Variants in KCNK13 observed in about 807,000 individuals in gnomAD.
KCNK13 encodes potassium two pore domain channel subfamily K member 13, also known as potassium channel subfamily K member 13.
KCNK13 carries 12 observed loss-of-function variants against 23.4 expected under a neutral mutation model. That is an observed-to-expected ratio of 0.51 (90% CI 0.33 to 0.83). The LOEUF (loss-of-function observed/expected upper bound fraction) is 0.83, where lower values mean the gene tolerates loss of function less well. KCNK13 is among the 40% of genes least tolerant of loss of function. KCNK13 has a pLI of 0.02. For synonymous variants in KCNK13, 231 were observed against 229.5 expected (o/e 1.01, Z -0.06); for missense variants, 463 against 556.3 (o/e 0.83, Z 1.69).
intron 1 of KCNK13, among the ~76,000 whole-genome samples, chr14:90,063,512 G>A (rs2140384521): frequency 6.6e-6 from 1 of 152,150 alleles, no homozygotes; most frequent in Middle Eastern, 3.4e-3. Flanking sequence ...ATTCTGAGGG[G>A]GGCAAAAAGA....
chr14:90,062,497 A>T lies in KCNK13; in HGVS notation c.292A>T (p.Thr98Ser). 6.5e-7 allele frequency: 1 copy of T among 1,536,918 alleles called. No homozygotes were observed. The highest frequency in any genetic ancestry group is 2.4e-5 in the East Asian group (1 of 40,932). The change falls in exon 1 of 2, where the codon ACC (threonine) becomes TCC (serine). Residue 98 changes from threonine to serine, a missense_variant. Transcript: ENST00000282146. This position sits in a 1 kb window ranked among gnomAD's most constrained non-coding sequence, Gnocchi z 4.5. ...VDNVRPRWDF[T>S]GAFYFVGTVV... Reference sequence around the variant, plus strand: ...CAACGTCCGCCCGCGCTGGGACTTCACCGGCGCCTTCTACTTCGTGGGCAC... The same window carrying T: ...CAACGTCCGCCCGCGCTGGGACTTCTCCGGCGCCTTCTACTTCGTGGGCAC...
At chr14:90,142,411 C>A (rs1329721297) in intron 1 of KCNK13, among the ~76,000 whole-genome samples, 1 of 146,990 alleles carries the variant, frequency 6.8e-6, no homozygotes, top group Non-Finnish European at 1.5e-5. Context: ...CTCCGCCTCC[C>A]AGGTTCATGC....
chr14:90,166,443 C>T (rs1013858548), intron 1 of KCNK13, among the ~76,000 whole-genome samples: 6 of 152,182 alleles, frequency 3.9e-5, no homozygotes, highest in African/African-American at 1.2e-4. Flanking sequence ...CAGTGGCTCA[C>T]GCCTATAATC....
At chr14:90,163,368 C>G (rs1890270760) in intron 1 of KCNK13, among the ~76,000 whole-genome samples, 1 of 152,142 alleles carries the variant, frequency 6.6e-6, no homozygotes, top group Non-Finnish European at 1.5e-5. Context: ...CCCTTTGTCT[C>G]AACTCCCAGA....
intron 1 of KCNK13, among the ~76,000 whole-genome samples, chr14:90,181,980 T>C (rs959444389): frequency 6.6e-6 from 1 of 152,204 alleles, no homozygotes; most frequent in South Asian, 2.1e-4. Context: ...CTGCCAAGAA[T>C]TGCTGAGGGA....
chr14:90,122,962 A>T (rs1164378779), intron 1 of KCNK13, among the ~76,000 whole-genome samples: 6 of 152,150 alleles, frequency 3.9e-5, no homozygotes, highest in Non-Finnish European at 5.9e-5. Context: ...CATTTTTCAG[A>T]TGAAGACTCC....
At position 90,184,033 on chromosome 14, in the gene KCNK13, C is replaced by T. The variant is rs755788122; in HGVS notation, c.335-78C>T. 72 of 1,303,240 alleles carry T rather than the reference C, an allele frequency of 5.5e-5. 1 individual carries two copies. Among genetic ancestry groups the T allele is most frequent in the Admixed American group, 3.9e-4 (18 of 46,122 alleles). 80.7% of individuals were successfully genotyped at this position (1,303,240 alleles called of 1,614,324 possible). The stretch of plus-strand genomic sequence containing the variant: ...ATGAAACTCTCTTTAGGTCCTTTGC[C>T]AGCCATCAAAGCCAAGACCTAGACC... On this transcript the variant is annotated intron_variant, in intron 1 of 1. Transcript: ENST00000282146. This position sits in a 1 kb window ranked among gnomAD's most constrained non-coding sequence, Gnocchi z 5.6.
intron 1 of KCNK13, chr14:90,107,632 C>G: frequency 1.6e-6 from 1 of 615,874 alleles, no homozygotes; most frequent in Non-Finnish European, 3.0e-6. Context: ...CATGCAATAC[C>G]TACAACTGAG....
chr14:90,094,801 C>A (rs1383754233), intron 1 of KCNK13, among the ~76,000 whole-genome samples: 1 of 152,008 alleles, frequency 6.6e-6, no homozygotes, highest in African/African-American at 2.4e-5. Context: ...GCGCCCACCA[C>A]CACGCCTGGC....
chr14:90,070,637 C>T (rs1332896373), intron 1 of KCNK13, among the ~76,000 whole-genome samples: 1 of 152,210 alleles, frequency 6.6e-6, no homozygotes, highest in Non-Finnish European at 1.5e-5. Context: ...CTTCCATTGT[C>T]TTCGTGCTTA....
chr14:90,181,043 G>A (rs777357773), intron 1 of KCNK13, among the ~76,000 whole-genome samples: 15 of 152,160 alleles, frequency 9.9e-5, no homozygotes, highest in Non-Finnish European at 1.9e-4. Flanking sequence ...TTTTAGTGGA[G>A]ACAGGGTTTC....
At chr14:90,073,641 G>C (rs1409404076) in intron 1 of KCNK13, among the ~76,000 whole-genome samples, 1 of 152,080 alleles carries the variant, frequency 6.6e-6, no homozygotes, top group Non-Finnish European at 1.5e-5. Context: ...AGGGCCAAGA[G>C]GACCCCTCAA....
chr14:90,103,624 G>A (rs1372229037), intron 1 of KCNK13, among the ~76,000 whole-genome samples: 15 of 152,132 alleles, frequency 9.9e-5, no homozygotes, highest in Admixed American at 5.9e-4. Flanking sequence ...ATGCAATGGC[G>A]TGATCTTAGC....
chr14:90,132,825 G>C (rs1446449304), intron 1 of KCNK13, among the ~76,000 whole-genome samples: 1 of 152,162 alleles, frequency 6.6e-6, no homozygotes, highest in Admixed American at 6.5e-5. Context: ...TCAGTTCACT[G>C]TTTACAAAGC....
intron 1 of KCNK13, among the ~76,000 whole-genome samples, chr14:90,165,229 T>C (rs148675270): frequency 5.3e-5 from 8 of 152,196 alleles, no homozygotes; most frequent in African/African-American, 1.7e-4. Flanking sequence ...AAGATGAGAT[T>C]TGGGCGGGGA....
At chr14:90,110,285 G>C (rs1889599497) in intron 1 of KCNK13, among the ~76,000 whole-genome samples, 1 of 152,072 alleles carries the variant, frequency 6.6e-6, no homozygotes, top group Admixed American at 6.5e-5. Flanking sequence ...GCCAAGACGG[G>C]TGGATGACTT....
At chr14:90,086,633 G>C (rs922709488) in intron 1 of KCNK13, among the ~76,000 whole-genome samples, 1 of 152,140 alleles carries the variant, frequency 6.6e-6, no homozygotes, top group Non-Finnish European at 1.5e-5. Context: ...TGTATACTAA[G>C]GAAGACGTCT....
At chr14:90,102,315 T>A (rs1889491856) in intron 1 of KCNK13, among the ~76,000 whole-genome samples, 1 of 152,222 alleles carries the variant, frequency 6.6e-6, no homozygotes, top group African/African-American at 2.4e-5. Context: ...CCAGCCAGCA[T>A]ACAGAAAGCT....
At chr14:90,155,153 TG>T (rs1053038162) in intron 1 of KCNK13, among the ~76,000 whole-genome samples, 2 of 151,978 alleles carry the variant, frequency 1.3e-5, no homozygotes, top group African/African-American at 4.8e-5. Flanking sequence ...TTAGGGTGGT[TG>T]GGGAAGGCTT....
Sources: gnomAD v4.1 joint callset for allele counts (sites outside exome capture counted in the v4.1 genomes callset) on GRCh38, gnomAD v4.1.1 for gene constraint, Gnocchi (gnomAD v3.1) non-coding constraint, MANE v1.5 for transcripts, NCBI Gene and HGNC (gene_info 2026-07-23, HGNC 2026-07-21) for gene names.